FHIP2B: variants seen among roughly 807,000 people sequenced by gnomAD.
FHIP2B encodes FHF complex subunit HOOK interacting protein 2B.
In FHIP2B, 72 loss-of-function variants were observed where a neutral mutation model predicts 84.0. The ratio of observed to expected loss-of-function variants is 0.86; its 90% CI spans 0.71 to 1.04. The LOEUF is 1.04. Ranked by LOEUF, FHIP2B falls within the 50% of genes least tolerant of loss-of-function variation. The pLI is 0.00. For synonymous variants in FHIP2B, 497 were observed against 418.7 expected, an observed-to-expected ratio of 1.19 and a Z score of -2.28; for missense variants, 972 against 968.9, an observed-to-expected ratio of 1.00 and a Z score of -0.04.
chr8:22,092,906 C>T (rs1259250050), intron 1 of FHIP2B, among the ~76,000 whole-genome samples: 2 of 152,186 alleles, frequency 1.3e-5, no homozygotes, highest in Non-Finnish European at 2.9e-5. Flanking sequence ...CTTGTAGCTT[C>T]GTTATTCAAT....
rs766122878 is a variant in FHIP2B, at chr8:22,096,603, G to C, written c.297+94G>C. On this transcript the variant is annotated intron_variant, in intron 3 of 16. Transcript: ENST00000289921. ...TGGGAGGCCTCTGTGCGCTGGGCCA[G>C]GCCGAGGTGGGAGACCCTCTGAGTG... is the stretch of plus-strand genomic sequence containing the variant. 3.2e-4 allele frequency: 450 copies of C among 1,401,114 alleles called. 1 individual carries two copies. The highest frequency in any genetic ancestry group is 4.1e-4 in the Non-Finnish European group (443 of 1,078,032). 86.8% of individuals were successfully genotyped at this position (1,401,114 alleles called of 1,614,324 possible).
chr8:22,099,166 G>A (rs544802221), intron 8 of FHIP2B, 110 bp downstream of exon 8: 21 of 1,503,878 alleles, frequency 1.4e-5, no homozygotes, highest in African/African-American at 9.7e-5. Flanking sequence ...GGAGCTAAGC[G>A]GGGCCCCAGG....
chr8:22,090,684 G>C (rs1435567228), intron 1 of FHIP2B, among the ~76,000 whole-genome samples: 1 of 152,044 alleles, frequency 6.6e-6, no homozygotes, highest in Non-Finnish European at 1.5e-5. Context: ...GACTACAGTG[G>C]TGCGATCTCC....
intron 1 of FHIP2B, among the ~76,000 whole-genome samples, chr8:22,090,275 G>T (rs753617026): frequency 4.5e-4 from 68 of 152,092 alleles, no homozygotes; most frequent in Non-Finnish European, 5.4e-4. Context: ...ATTTTCTCAG[G>T]AGAGAAAGTC....
chr8:22,098,139 C>T lies in FHIP2B; in HGVS notation c.597C>T (p.His199=), dbSNP rs146742522. 324 of 1,581,742 alleles carry T rather than the reference C, an allele frequency of 2.0e-4. 1 individual carries two copies. In the East Asian group the frequency reaches 2.3e-3, roughly 11 times the overall value. The part of the protein sequence containing the change: ...PTALPKDTTS[H]GDKDCSHDGA... The stretch of plus-strand genomic sequence containing the variant: ...CCCTGCCTAAGGACACAACCAGCCA[C>T]GGGGACAAGGACTGCTCCCACGATG... Residue 199 remains histidine (H), a synonymous_variant, in exon 6 of 17, where the codon CAC becomes CAT. Transcript: ENST00000289921.
rs768985962 is a variant in FHIP2B at position 22,102,521 on chromosome 8, G to T, written c.1993-7G>T. On this transcript the variant is annotated splice_region_variant and splice_polypyrimidine_tract_variant and intron_variant, in intron 15 of 16. Coordinates refer to ENST00000289921, the MANE Select transcript of FHIP2B (RefSeq NM_022749.7). ...CCCATCTGAGTCCCCTGTGATTCCC[G>T]CTGTAGGTGATCGGGGACTTGATGC... 12 of 1,554,598 alleles carry T rather than the reference G, an allele frequency of 7.7e-6. No homozygotes were observed. The highest frequency in any genetic ancestry group is 1.0e-5 in the Non-Finnish European group (12 of 1,149,290).
chr8:22,089,162 G>T lies in FHIP2B; in HGVS notation c.-92G>T. ...GCGGCCGGGCCCCGCCCCCCTCGTC[G>T]CGCCGGGGCCGCCGGGGCCACGGGG... On this transcript the variant is annotated 5_prime_UTR_variant, in exon 1 of 17. Transcript: ENST00000289921. The T allele has an allele frequency of 1.2e-6, 1 of 847,090 alleles. No individual in the cohort carries two copies. Among genetic ancestry groups the T allele is most frequent in the Non-Finnish European group, 1.4e-6 (1 of 692,122 alleles). 52.5% of individuals were successfully genotyped at this position (847,090 alleles called of 1,614,324 possible). A position where few individuals can be genotyped will look rare whatever the true frequency, so the allele number is the denominator to read the frequency against.
intron 2 of FHIP2B, 53 bp downstream of exon 2, chr8:22,094,571 G>A: frequency 1.2e-6 from 2 of 1,602,746 alleles, no homozygotes; most frequent in Non-Finnish European, 1.7e-6. Flanking sequence ...GGGGAGGAAG[G>A]AGTGTGCAGA....
rs773702235 is a variant in FHIP2B at position 22,096,350 on chromosome 8, C to T, written c.138C>T (p.Pro46=). 22 of 1,558,260 alleles carry T rather than the reference C, an allele frequency of 1.4e-5. No individual in the cohort carries two copies. Among genetic ancestry groups the T allele is most frequent in the South Asian group, 7.2e-5 (6 of 83,872 alleles). The stretch of plus-strand genomic sequence containing the variant: ...AAACATCATTAGATGAAAGCACCCC[C>T]GCCAAGAAGACAGACATTCCCTGGC... ...YYIESTDEST[P]AKKTDIPWRL... Residue 46 remains proline, a synonymous_variant, in exon 3 of 17, where the codon CCC becomes CCT. Coordinates refer to ENST00000289921, the MANE Select transcript of FHIP2B (RefSeq NM_022749.7).
At chr8:22,095,737 C>T (rs1186352127) in intron 2 of FHIP2B, 1 of 152,288 alleles carries the variant, frequency 6.6e-6, no homozygotes, top group Non-Finnish European at 1.5e-5. Context: ...CCAGAACTTT[C>T]TTTAAAACAC....
At chr8:22,089,405 C>A (rs1207563517) in intron 1 of FHIP2B, 107 bp downstream of exon 1, 1 of 641,652 alleles carries the variant, frequency 1.6e-6, no homozygotes. Flanking sequence ...GGGCGCGGGC[C>A]CCCTCGGGCA....
Position 22,100,657 on chromosome 8 carries a change from C to T in FHIP2B, c.1405C>T (p.His469Tyr), listed in dbSNP as rs765827589. 6.2e-7 allele frequency: 1 copy of T among 1,605,494 alleles called. No individual in the cohort carries two copies. Among genetic ancestry groups the T allele is most frequent in the South Asian group, 1.1e-5 (1 of 90,084 alleles). ...LLQKPHEGII[H>Y]SLVLRNLEGR... Reference sequence around the variant, plus strand: ...GCAGAAGCCCCACGAGGGGATCATCCACAGCCTGGTCCTGCGCAACCTTGA... The same window carrying T: ...GCAGAAGCCCCACGAGGGGATCATCTACAGCCTGGTCCTGCGCAACCTTGA... The change falls in exon 11 of 17, where the codon CAC becomes TAC. Residue 469 changes from histidine to tyrosine, a missense_variant. Coordinates refer to ENST00000289921, the MANE Select transcript of FHIP2B (RefSeq NM_022749.7).
In FHIP2B at chr8:22,100,896, C is replaced by A; in HGVS notation, c.1540C>A (p.Gln514Lys). ...CGACAGCTTCCTGGATTCCGGCTTT[C>A]AAACTCCCGCAAAGCCTCGCCTAGC... ...FTDSFLDSGF[Q>K]TPAKPRLAPA... The change falls in exon 12 of 17, where the codon CAA becomes AAA. Residue 514 changes from glutamine to lysine, a missense_variant. Coordinates refer to ENST00000289921, the MANE Select transcript of FHIP2B (RefSeq NM_022749.7). 1.9e-6 allele frequency: 3 copies of A among 1,613,922 alleles called. No individual in the cohort carries two copies. The highest frequency in any genetic ancestry group is 2.5e-6 in the Non-Finnish European group (3 of 1,179,902).
rs770493760 is a variant in FHIP2B at position 22,099,754 on chromosome 8, G to T, written c.1202G>T (p.Arg401Leu). The change falls in exon 10 of 17, where the codon CGC (arginine) becomes CTC (leucine). Residue 401 changes from arginine to leucine, a missense_variant. Physicochemically the swap from Arg to Leu is moderately radical, Grantham distance 102. Transcript: ENST00000289921. The part of the protein sequence containing the change: ...TSTALLTAML[R>L]QLRSPALLRE... Reference sequence around the variant, plus strand: ...ACCGCCCTCCTCACAGCCATGCTGCGCCAGCTTCGCTCCCCTGCGCTGCTG... The same window carrying T: ...ACCGCCCTCCTCACAGCCATGCTGCTCCAGCTTCGCTCCCCTGCGCTGCTG... 6.2e-7 allele frequency: 1 copy of T among 1,607,056 alleles called. No individual in the cohort carries two copies. Among genetic ancestry groups the T allele is most frequent in the Non-Finnish European group, 8.5e-7 (1 of 1,178,540 alleles).
At chr8:22,100,409 C>A (rs1406278900) in intron 10 of FHIP2B, 185 bp from the exon 11 acceptor site, 3 of 525,430 alleles carry the variant, frequency 5.7e-6, no homozygotes, top group Admixed American at 8.0e-5. Flanking sequence ...TACCAGGGAC[C>A]ACCCAGACTT....
In FHIP2B at chr8:22,099,859, A is replaced by G. The variant is rs1470887997; in HGVS notation, c.1307A>G (p.His436Arg). 2 of 1,612,168 alleles carry G rather than the reference A, an allele frequency of 1.2e-6. No individual in the cohort carries two copies. The highest frequency in any genetic ancestry group is 3.4e-5 in the Admixed American group (2 of 59,590). ...PGDNPHTLYA[H>R]LIGHCDHLSD... ...GACAACCCCCACACCCTGTATGCTC[A>G]TCTCATCGGGCATTGTGACCACCTC... The change falls in exon 10 of 17, where the codon CAT (histidine) becomes CGT (arginine). Residue 436 changes from histidine to arginine, a missense_variant. Coordinates refer to ENST00000289921, the MANE Select transcript of FHIP2B (RefSeq NM_022749.7).
In FHIP2B at chr8:22,097,723, C is replaced by G; in HGVS notation, c.409C>G (p.Leu137Val). 4 of 1,613,072 alleles carry G rather than the reference C, an allele frequency of 2.5e-6. No individual in the cohort carries two copies. Among genetic ancestry groups the G allele is most frequent in the Non-Finnish European group, 3.4e-6 (4 of 1,179,708 alleles). Reference sequence around the variant, plus strand: ...TGTCCTGGTGCTCTTCCAGAAACTCCTCCGACTTGGTGGGACTGCTTCCGG... The same window carrying G: ...TGTCCTGGTGCTCTTCCAGAAACTCGTCCGACTTGGTGGGACTGCTTCCGG... ...LSVHRPVQKL[L>V]RLGGTASGSV... The change falls in exon 5 of 17, where the codon CTC becomes GTC. Residue 137 changes from leucine (L) to valine (V), a missense_variant. Coordinates refer to ENST00000289921, the MANE Select transcript of FHIP2B (RefSeq NM_022749.7).
chr8:22,089,412 G>T, intron 1 of FHIP2B, 114 bp downstream of exon 1: 5 of 529,452 alleles, frequency 9.4e-6, no homozygotes, highest in Non-Finnish European at 1.2e-5. Context: ...GGCCCCCTCG[G>T]GCAGGGACCC....
chr8:22,089,823 G>C, intron 1 of FHIP2B: 1 of 1,285,874 alleles, frequency 7.8e-7, no homozygotes, highest in African/African-American at 1.5e-5. Context: ...CGTGGGAAGT[G>C]CAGGCCCTGC....
Sources: gnomAD v4.1 joint callset for allele counts (sites outside exome capture counted in the v4.1 genomes callset) on GRCh38, gnomAD v4.1.1 for gene constraint, MANE v1.5 for transcripts, NCBI Gene and HGNC (gene_info 2026-07-23, HGNC 2026-07-21) for gene names.